SIPA1L3: variants seen among roughly 807,000 people sequenced by gnomAD.
SIPA1L3 encodes signal induced proliferation associated 1 like 3, also known as signal-induced proliferation-associated 1-like protein 3.
In SIPA1L3, 59 loss-of-function variants were observed where a neutral mutation model predicts 150.1. That is an observed-to-expected ratio of 0.39 (90% CI 0.32 to 0.49). The LOEUF (loss-of-function observed/expected upper bound fraction) is 0.49, where lower values mean the gene tolerates loss of function less well. SIPA1L3 is among the 20% of genes least tolerant of loss of function. The pLI is 0.86. For missense variants in SIPA1L3, 2,211 were observed against 2,489.5 expected (o/e 0.89, Z 2.38); for synonymous variants, 1,070 against 1,077.6 (o/e 0.99, Z 0.14).
intron 16 of SIPA1L3, 50 bp downstream of exon 16, chr19:38,182,790 G>A (rs375499540): frequency 5.2e-4 from 754 of 1,447,288 alleles, no homozygotes; most frequent in Non-Finnish European, 6.8e-4. Context: ...ACACCAGGGC[G>A]TCTCCGGGGC....
At chr19:38,153,763 G>A (rs1216367487) in intron 13 of SIPA1L3, among the ~76,000 whole-genome samples, 1 of 151,030 alleles carries the variant, frequency 6.6e-6, no homozygotes, top group Non-Finnish European at 1.5e-5. Flanking sequence ...GGGAAACCCT[G>A]TCTCTACTAA....
At chr19:38,182,243 G>A (rs1371179684) in intron 15 of SIPA1L3, among the ~76,000 whole-genome samples, 3 of 152,106 alleles carry the variant, frequency 2.0e-5, no homozygotes, top group Admixed American at 1.3e-4. Flanking sequence ...TGCGTAGGTT[G>A]TACCAAGGAG....
At chr19:38,084,741 G>A (rs1970088432) in intron 3 of SIPA1L3, among the ~76,000 whole-genome samples, 3 of 149,248 alleles carry the variant, frequency 2.0e-5, no homozygotes, top group Non-Finnish European at 3.0e-5. Flanking sequence ...CTGGGTTCAC[G>A]CGATTCTCCT....
At chr19:38,071,255 A>G (rs1422936813) in intron 2 of SIPA1L3, among the ~76,000 whole-genome samples, 1 of 143,242 alleles carries the variant, frequency 7.0e-6, no homozygotes, top group African/African-American at 2.6e-5. Flanking sequence ...CTATCTATCT[A>G]TCTATCTATC....
At position 38,081,269 on chromosome 19, in the gene SIPA1L3, A is replaced by G. The variant is rs1969970609; in HGVS notation, c.-297A>G. 4.8e-6 allele frequency: 2 copies of G among 417,844 alleles called. No individual in the cohort carries two copies. Among genetic ancestry groups the G allele is most frequent in the African/African-American group, 4.1e-5 (2 of 49,348 alleles). 25.9% of individuals were successfully genotyped at this position (417,844 alleles called of 1,614,324 possible). On this transcript the variant is annotated 5_prime_UTR_variant, in exon 3 of 22. Coordinates refer to ENST00000222345, the MANE Select transcript of SIPA1L3 (RefSeq NM_015073.3). ...CTTCCATTTCAGCATGGCGAGGACAACATCCTTGCTGCCTCCAGCTGGCGG... is the reference window on the plus strand; with the variant it reads ...CTTCCATTTCAGCATGGCGAGGACAGCATCCTTGCTGCCTCCAGCTGGCGG...
Position 37,911,251 on chromosome 19 carries a change from G to A in SIPA1L3, c.-379+3893G>A, listed in dbSNP as rs1358195253. 4.3e-4 allele frequency among the ~76,000 whole-genome samples: 8 copies of A among 18,608 alleles called. No homozygotes were observed. In the African/African-American group the frequency reaches 8.9e-3, roughly 21 times the overall value. 12.2% of individuals were successfully genotyped at this position (18,608 alleles called of 152,430 possible). A position where few individuals can be genotyped will look rare whatever the true frequency, so the allele number is the denominator to read the frequency against. On this transcript the variant is annotated intron_variant, in intron 1 of 21. Transcript: ENST00000222345. ...ATTGATTATGTTTGTATGTATGTGC[G>A]TGTGTGTGTGTGTGTGTGTATCGAC...
At chr19:38,006,723 T>C (rs1967948172) in intron 1 of SIPA1L3, among the ~76,000 whole-genome samples, 1 of 152,096 alleles carries the variant, frequency 6.6e-6, no homozygotes, top group Non-Finnish European at 1.5e-5. Context: ...AACTGTCGCT[T>C]TGGAGGGGAC....
In SIPA1L3 at chr19:38,081,383, T is replaced by C. The variant is rs1969974049; in HGVS notation, c.-183T>C. 1 of 594,856 alleles carries C rather than the reference T, an allele frequency of 1.7e-6. No homozygotes were observed. The highest frequency in any genetic ancestry group is 2.8e-5 in the East Asian group (1 of 35,674). The allele number at this position is 594,856 out of a possible 1,614,324, so 36.8% of individuals were successfully genotyped here. Reference sequence around the variant, plus strand: ...ACCTGCTTCCTGAGGTTGTCCTGGCTCAGCTGTGCACAGCGATGGTGGAGA... The same window carrying C: ...ACCTGCTTCCTGAGGTTGTCCTGGCCCAGCTGTGCACAGCGATGGTGGAGA... On this transcript the variant is annotated 5_prime_UTR_variant, in exon 3 of 22. Transcript: ENST00000222345.
At chr19:38,013,873 T>A (rs1319721930) in intron 1 of SIPA1L3, among the ~76,000 whole-genome samples, 1 of 152,266 alleles carries the variant, frequency 6.6e-6, no homozygotes, top group Non-Finnish European at 1.5e-5. Flanking sequence ...GTAGGAGCAC[T>A]GCTTGCTGGC....
intron 4 of SIPA1L3, among the ~76,000 whole-genome samples, chr19:38,098,174 G>A (rs1044892383): frequency 3.9e-5 from 6 of 152,194 alleles, no homozygotes; most frequent in African/African-American, 1.4e-4. Context: ...TTATTTGGCT[G>A]CAAAGCGATA....
Position 38,137,495 on chromosome 19 carries a change from T to C in SIPA1L3, c.3144-3689T>C, listed in dbSNP as rs932565517. On this transcript the variant is annotated intron_variant, in intron 10 of 21. Coordinates refer to ENST00000222345, the MANE Select transcript of SIPA1L3 (RefSeq NM_015073.3). The stretch of plus-strand genomic sequence containing the variant: ...TGAGCCACTGCACCTGGCCCATATT[T>C]TTTTTTTTTTAGGAGATGGGGTCTA... Among the ~76,000 whole-genome samples, 243 of 86,218 alleles carry C rather than the reference T, an allele frequency of 2.8e-3. 3 individuals carry two copies. Among genetic ancestry groups the C allele is most frequent in the African/African-American group, 0.024 (235 of 9,624 alleles). 56.6% of individuals were successfully genotyped at this position (86,218 alleles called of 152,430 possible).
chr19:38,095,280 C>T (rs1970352328), intron 4 of SIPA1L3, among the ~76,000 whole-genome samples: 1 of 152,128 alleles, frequency 6.6e-6, no homozygotes, highest in African/African-American at 2.4e-5. Context: ...GCATTTTTAT[C>T]CCCATTTTAT....
intron 2 of SIPA1L3, among the ~76,000 whole-genome samples, chr19:38,071,235 A>ATCTATCTATCTATCTGTCTG (rs1969712641): frequency 2.0e-5 from 3 of 151,540 alleles, no homozygotes; most frequent in African/African-American, 7.3e-5. Context: ...CTATCTATCT[A>ATCTATCTATCTATCTGTCTG]TCTATCTATC....
intron 2 of SIPA1L3, among the ~76,000 whole-genome samples, chr19:38,030,704 C>CTGGGTTGGGTT (rs1968634624): frequency 6.8e-6 from 1 of 147,736 alleles, no homozygotes; most frequent in African/African-American, 2.6e-5. Flanking sequence ...GTTTAGGTTT[C>CTGGGTTGGGTT]TGGGTTGGGT....
chr19:38,156,781 C>A (rs1189349531), intron 13 of SIPA1L3, among the ~76,000 whole-genome samples: 1 of 151,996 alleles, frequency 6.6e-6, no homozygotes, highest in Non-Finnish European at 1.5e-5. Flanking sequence ...GCTGAGATCA[C>A]GCATTGCACT....
Position 38,176,323 on chromosome 19 carries a change from T to G in SIPA1L3, c.4209-6196T>G, listed in dbSNP as rs1303702343. ...CCACTGCACCCGGCTGGCCACTTAC[T>G]TTTTACCCTGTGCCATTTATGTAGT... On this transcript the variant is annotated intron_variant, in intron 15 of 21. Coordinates refer to ENST00000222345, the MANE Select transcript of SIPA1L3 (RefSeq NM_015073.3). 2.0e-5 allele frequency among the ~76,000 whole-genome samples: 3 copies of G among 152,044 alleles called. No homozygotes were observed. The East Asian group carries it at 5.8e-4, about 30-fold the overall frequency.
intron 2 of SIPA1L3, among the ~76,000 whole-genome samples, chr19:38,031,018 C>G (rs1003254302): frequency 7.9e-5 from 12 of 152,174 alleles, no homozygotes; most frequent in African/African-American, 2.9e-4. Flanking sequence ...TGGGTCTCAT[C>G]ACATTCCCTC....
Position 38,046,713 on chromosome 19 carries a change from C to T in SIPA1L3, c.-311+17557C>T, listed in dbSNP as rs1969068279. On this transcript the variant is annotated intron_variant, in intron 2 of 21. Transcript: ENST00000222345. This position sits in a 1 kb window ranked among gnomAD's most constrained non-coding sequence, Gnocchi z 5.6. ...TGTGGAGGGGCCCAGGTCCCCCGAG[C>T]AGCTCCTCTGACCCCGCAACCCGGC... Among the ~76,000 whole-genome samples, 1 of 152,226 alleles carries T rather than the reference C, an allele frequency of 6.6e-6. No individual in the cohort carries two copies. The highest frequency in any genetic ancestry group is 2.4e-5 in the African/African-American group (1 of 41,466).
rs374663846 is a variant in SIPA1L3 at position 38,193,756 on chromosome 19, G to A, written c.4816G>A (p.Gly1606Ser). ...PVGPGATPAAGSGFPEKKSTI... is the reference protein window; with the variant it reads ...PVGPGATPAASSGFPEKKSTI... ...CGGCCCCGGTGCCACCCCTGCCGCC[G>A]GCAGCGGCTTTCCCGAGAAGAAATG... Residue 1606 changes from glycine to serine, a missense_variant, in exon 18 of 22, where the codon GGC (glycine) becomes AGC (serine). Coordinates refer to ENST00000222345, the MANE Select transcript of SIPA1L3 (RefSeq NM_015073.3). 5.5e-5 allele frequency: 87 copies of A among 1,573,482 alleles called. No homozygotes were observed. Among genetic ancestry groups the A allele is most frequent in the Admixed American group, 8.9e-5 (5 of 55,874 alleles).
Sources: gnomAD v4.1 joint callset for allele counts (sites outside exome capture counted in the v4.1 genomes callset) on GRCh38, gnomAD v4.1.1 for gene constraint, Gnocchi (gnomAD v3.1) non-coding constraint, MANE v1.5 for transcripts, NCBI Gene and HGNC (gene_info 2026-07-23, HGNC 2026-07-21) for gene names.